P4HA1: variants seen among roughly 807,000 people sequenced by gnomAD.
P4HA1 encodes prolyl 4-hydroxylase subunit alpha 1.
A neutral mutation model predicts 72.8 loss-of-function variants in P4HA1; 24 were observed. The observed-to-expected ratio is 0.33, with a 90% CI of 0.24 to 0.46. The LOEUF (loss-of-function observed/expected upper bound fraction) is 0.46. P4HA1 is among the 20% of genes least tolerant of loss of function. The pLI is 1.00. For synonymous variants in P4HA1, 201 were observed against 218.8 expected, an observed-to-expected ratio of 0.92 and a Z score of 0.72; for missense variants, 446 against 640.6, an observed-to-expected ratio of 0.70 and a Z score of 3.28.
At chr10:73,018,379 G>A (rs145475183) in intron 10 of P4HA1, among the ~76,000 whole-genome samples, 1 of 152,334 alleles carries the variant, frequency 6.6e-6, no homozygotes, top group African/African-American at 2.4e-5. Flanking sequence ...TGGCTAAGCT[G>A]AGAAATGTGC....
chr10:73,086,933 CAAAAAA>C (rs59200288), intron 1 of P4HA1, among the ~76,000 whole-genome samples: 244 of 33,088 alleles, frequency 7.4e-3, no homozygotes, highest in African/African-American at 0.022. Flanking sequence ...GAGTGCATCT[CAAAAAA>C]AAAAAAAAAA....
chr10:73,047,866 C>T (rs1840911531), intron 7 of P4HA1, among the ~76,000 whole-genome samples: 1 of 152,062 alleles, frequency 6.6e-6, no homozygotes. Flanking sequence ...GCCTAGGTCA[C>T]ACAGCGAAAT....
At chr10:73,033,472 CCAG>C (rs1840489654) in intron 9 of P4HA1, among the ~76,000 whole-genome samples, 2 of 152,192 alleles carry the variant, frequency 1.3e-5, no homozygotes, top group South Asian at 4.1e-4. Flanking sequence ...ATGCCTTACT[CCAG>C]CAGTTATTGC....
chr10:73,013,963 GA>G (rs1385134808), intron 12 of P4HA1, among the ~76,000 whole-genome samples: 2 of 152,104 alleles, frequency 1.3e-5, no homozygotes, highest in Non-Finnish European at 2.9e-5. Flanking sequence ...TAAACAGAGA[GA>G]CTATATGTTA....
chr10:73,066,593 C>T (rs564060950), intron 5 of P4HA1, among the ~76,000 whole-genome samples: 5 of 152,106 alleles, frequency 3.3e-5, no homozygotes, highest in African/African-American at 9.7e-5. Flanking sequence ...TCACAGCTCA[C>T]TGCAGCCTTG....
chr10:73,014,425 A>G (rs980979236), intron 11 of P4HA1, 136 bp from the exon 12 acceptor site: 31 of 650,132 alleles, frequency 4.8e-5, no homozygotes, highest in Non-Finnish European at 5.7e-5. Flanking sequence ...TGTAATGTCC[A>G]GTGCACTATA....
intron 5 of P4HA1, among the ~76,000 whole-genome samples, chr10:73,067,851 CT>C (rs1841464325): frequency 6.6e-6 from 1 of 152,100 alleles, no homozygotes; most frequent in Admixed American, 6.6e-5. Flanking sequence ...ACTCATCTTA[CT>C]ATACTGTAAG....
intron 7 of P4HA1, among the ~76,000 whole-genome samples, chr10:73,047,457 C>T (rs1290195386): frequency 1.6e-5 from 2 of 123,292 alleles, no homozygotes; most frequent in Non-Finnish European, 3.3e-5. Context: ...CTAAATGGCA[C>T]AAAGTAACTG....
At chr10:73,068,023 TATA>T (rs1050197282) in intron 5 of P4HA1, among the ~76,000 whole-genome samples, 3 of 152,212 alleles carry the variant, frequency 2.0e-5, no homozygotes, top group African/African-American at 4.8e-5. Flanking sequence ...CGTTATAATG[TATA>T]ATATTAGTAG....
chr10:73,072,051 C>A lies in P4HA1; in HGVS notation c.303G>T (p.Leu101=). Residue 101 remains leucine, a synonymous_variant, in exon 4 of 15, where the codon CTG becomes CTT. Transcript: ENST00000394890. ...TACCATCTGACATATCCTTAAGGAC[C>A]AGATTCTCCAACTCACTCCACTCAG... is the stretch of plus-strand genomic sequence containing the variant. ...LNTEWSELEN[L]VLKDMSDGFI... 6.2e-7 allele frequency: 1 copy of A among 1,612,328 alleles called. No homozygotes were observed. Among genetic ancestry groups the A allele is most frequent in the Non-Finnish European group, 8.5e-7 (1 of 1,178,792 alleles).
intron 10 of P4HA1, among the ~76,000 whole-genome samples, chr10:73,026,274 C>G (rs1840265594): frequency 6.6e-6 from 1 of 152,166 alleles, no homozygotes; most frequent in South Asian, 2.1e-4. Context: ...ACCAATAGAA[C>G]AGAACAGAGG....
At chr10:73,025,282 T>C (rs1480158854) in intron 10 of P4HA1, among the ~76,000 whole-genome samples, 2 of 152,178 alleles carry the variant, frequency 1.3e-5, no homozygotes, top group African/African-American at 4.8e-5. Flanking sequence ...TCAAGTCAGC[T>C]TCATCCCTGG....
chr10:73,086,597 G>A (rs569115393), intron 1 of P4HA1, among the ~76,000 whole-genome samples: 32 of 152,082 alleles, frequency 2.1e-4, no homozygotes, highest in African/African-American at 6.7e-4. Context: ...AAAATTGCAT[G>A]GTACGTGAAT....
At chr10:73,070,871 A>T (rs1841542307) in intron 4 of P4HA1, among the ~76,000 whole-genome samples, 1 of 152,188 alleles carries the variant, frequency 6.6e-6, no homozygotes, top group African/African-American at 2.4e-5. Context: ...GAATAAATAT[A>T]TCGATTTCCT....
In P4HA1 at chr10:73,059,423, TTAAAAAAAAAAAAAAAAAAAA is replaced by T. The variant is rs1367664168; in HGVS notation, c.464-5854_464-5834del. ...CGGGCAAAATAATGAGACAATATAT[TTAAAAAAAAAAAAAAAAAAAA>T]AAAAAAAAAAAAAAAAAGGCTGGGC... On this transcript the variant is annotated intron_variant, in intron 5 of 14. Coordinates refer to ENST00000394890, the MANE Select transcript of P4HA1 (RefSeq NM_001017962.3). 5.6e-3 allele frequency among the ~76,000 whole-genome samples: 267 copies of T among 47,584 alleles called. 3 individuals are homozygous for T. Among genetic ancestry groups the T allele is most frequent in the African/African-American group, 0.022 (247 of 11,104 alleles). 31.2% of individuals were successfully genotyped at this position (47,584 alleles called of 152,430 possible).
chr10:73,039,465 C>T (rs983023471), intron 9 of P4HA1, among the ~76,000 whole-genome samples: 2 of 152,084 alleles, frequency 1.3e-5, no homozygotes, highest in African/African-American at 2.4e-5. Context: ...CGCCACCATG[C>T]CCGGCTAATT....
chr10:73,074,781 CA>C (rs773004687), intron 2 of P4HA1, 26 bp downstream of exon 2: 1 of 1,274,744 alleles, frequency 7.8e-7, no homozygotes, highest in African/African-American at 1.5e-5. Flanking sequence ...GCAAAACCAA[CA>C]AAAAACAACA....
intron 12 of P4HA1, among the ~76,000 whole-genome samples, chr10:73,012,998 G>A (rs1293173697): frequency 1.2e-4 from 18 of 152,066 alleles, no homozygotes; most frequent in African/African-American, 3.4e-4. Context: ...GTTTCACCAC[G>A]TTGGCCAGGC....
intron 10 of P4HA1, among the ~76,000 whole-genome samples, chr10:73,028,342 ACAC>A (rs1840343977): frequency 6.7e-6 from 1 of 149,728 alleles, no homozygotes; most frequent in African/African-American, 2.5e-5. Context: ...ACACACACAC[ACAC>A]AAAATACATT....
Sources: allele counts gnomAD v4.1 joint callset (sites outside exome capture counted in the v4.1 genomes callset), GRCh38; gene constraint gnomAD v4.1.1; transcripts MANE v1.5; gene names NCBI Gene and HGNC (gene_info 2026-07-23, HGNC 2026-07-21).